FAM135A: variants seen among roughly 807,000 people sequenced by gnomAD.
FAM135A encodes protein FAM135A.
A neutral mutation model predicts 146.8 loss-of-function variants in FAM135A; 79 were observed. The ratio of observed to expected loss-of-function variants is 0.54; its 90% confidence interval spans 0.45 to 0.65. The LOEUF (loss-of-function observed/expected upper bound fraction) is 0.65. Among genes scored for constraint, FAM135A ranks in the 30% least tolerant of loss-of-function variants. The pLI is 0.00. For missense variants in FAM135A, 1,623 were observed against 1,758.2 expected (o/e 0.92, Z 1.38); for synonymous variants, 562 against 603.6 (o/e 0.93, Z 1.01).
chr6:70,532,682 C>G (rs769171216), intron 16 of FAM135A, among the ~76,000 whole-genome samples: 1 of 152,166 alleles, frequency 6.6e-6, no homozygotes, highest in Non-Finnish European at 1.5e-5. Flanking sequence ...CCTATAATCC[C>G]AGCACTTTGG....
At chr6:70,557,037 T>C in intron 21 of FAM135A, 174 bp downstream of exon 21, 1 of 603,694 alleles carries the variant, frequency 1.7e-6, no homozygotes, top group Admixed American at 2.9e-5. Context: ...CCACGTGAAC[T>C]GCCTTTACCA....
chr6:70,464,952 G>A (rs541504554), intron 5 of FAM135A, among the ~76,000 whole-genome samples: 16 of 148,822 alleles, frequency 1.1e-4, no homozygotes, highest in African/African-American at 3.5e-4. Flanking sequence ...CCAAAGTGCT[G>A]GGATTATAGG....
chr6:70,497,680 T>C (rs1219028125), intron 11 of FAM135A, among the ~76,000 whole-genome samples: 2 of 152,238 alleles, frequency 1.3e-5, no homozygotes, highest in Non-Finnish European at 2.9e-5. Context: ...CATCAATACC[T>C]ACTTTATTGA....
chr6:70,493,337 A>G (rs1332195985), intron 11 of FAM135A, among the ~76,000 whole-genome samples: 1 of 152,124 alleles, frequency 6.6e-6, no homozygotes, highest in Non-Finnish European at 1.5e-5. Flanking sequence ...AGTAATACAG[A>G]AAAAAAGTGG....
At chr6:70,413,872 G>C in intron 1 of FAM135A, 170 bp downstream of exon 1, 1 of 985,408 alleles carries the variant, frequency 1.0e-6, no homozygotes, top group South Asian at 4.7e-5. Flanking sequence ...CCCCGGCCCC[G>C]TTGAAGGTCG....
At chr6:70,437,484 G>C (rs1773442307) in intron 4 of FAM135A, among the ~76,000 whole-genome samples, 1 of 151,814 alleles carries the variant, frequency 6.6e-6, no homozygotes, top group African/African-American at 2.4e-5. Flanking sequence ...AGAAATAAGA[G>C]TTTGGTCTCA....
At chr6:70,492,581 T>G (rs1002927783) in intron 11 of FAM135A, among the ~76,000 whole-genome samples, 1 of 151,600 alleles carries the variant, frequency 6.6e-6, no homozygotes, top group Non-Finnish European at 1.5e-5. Context: ...ATTTGCAATA[T>G]TTAAAACAGG....
chr6:70,552,227 G>A (rs1335062832), intron 20 of FAM135A, among the ~76,000 whole-genome samples: 1 of 152,090 alleles, frequency 6.6e-6, no homozygotes, highest in East Asian at 1.9e-4. Flanking sequence ...AGACATCAGT[G>A]ACATTAATTT....
At chr6:70,448,231 G>A (rs573753006) in intron 4 of FAM135A, among the ~76,000 whole-genome samples, 68 of 152,276 alleles carry the variant, frequency 4.5e-4, no homozygotes, top group African/African-American at 1.6e-3. Context: ...ACATAATAAT[G>A]AGGGGATGCA....
At chr6:70,448,536 G>A (rs770350794) in intron 4 of FAM135A, among the ~76,000 whole-genome samples, 1 of 152,082 alleles carries the variant, frequency 6.6e-6, no homozygotes. Flanking sequence ...TCGAGCCCCC[G>A]TGATGGACGC....
At position 70,538,413 on chromosome 6, in the gene FAM135A, A is replaced by C. The variant is rs1449836308; in HGVS notation, c.4228+12A>C. 1.4e-6 allele frequency: 2 copies of C among 1,402,246 alleles called. No homozygotes were observed. The highest frequency in any genetic ancestry group is 2.5e-5 in the East Asian group (1 of 39,844). 86.9% of individuals were successfully genotyped at this position (1,402,246 alleles called of 1,614,324 possible). ...TAGTAACAAAGCAGGTAAGTATATAATAACAGTTTGGAAAATATACATGTG... is the reference window on the plus strand; with the variant it reads ...TAGTAACAAAGCAGGTAAGTATATACTAACAGTTTGGAAAATATACATGTG... On this transcript the variant is annotated intron_variant, in intron 20 of 21. Transcript: ENST00000418814.
intron 12 of FAM135A, chr6:70,503,219 AG>A (rs1223948779): frequency 6.5e-6 from 1 of 154,314 alleles, no homozygotes; most frequent in African/African-American, 2.4e-5. Context: ...AGCAGGATGG[AG>A]GGGGCAGTCC....
chr6:70,493,894 A>T (rs1452448317), intron 11 of FAM135A, among the ~76,000 whole-genome samples: 1 of 151,968 alleles, frequency 6.6e-6, no homozygotes, highest in African/African-American at 2.4e-5. Context: ...CTCTACTAAA[A>T]ATACAAAAAT....
intron 5 of FAM135A, among the ~76,000 whole-genome samples, chr6:70,456,879 G>T (rs971509399): frequency 1.4e-4 from 22 of 152,172 alleles, no homozygotes; most frequent in African/African-American, 5.1e-4. Flanking sequence ...GAGTGACTGT[G>T]CTTGCTGCTA....
At chr6:70,537,954 T>C (rs1252559213) in intron 19 of FAM135A, among the ~76,000 whole-genome samples, 1 of 147,482 alleles carries the variant, frequency 6.8e-6, no homozygotes, top group Non-Finnish European at 1.5e-5. Flanking sequence ...TTTGAAGTTT[T>C]TCTTCATCTT....
intron 19 of FAM135A, among the ~76,000 whole-genome samples, chr6:70,537,458 C>T (rs1472124552): frequency 6.6e-6 from 1 of 152,084 alleles, no homozygotes; most frequent in Admixed American, 6.6e-5. Flanking sequence ...AAAATACAGC[C>T]AGTTCTAGAC....
At chr6:70,418,515 A>G (rs1007663854) in intron 2 of FAM135A, 16 of 152,202 alleles carry the variant, frequency 1.1e-4, no homozygotes, top group African/African-American at 3.9e-4. Context: ...CTTTTAGTAG[A>G]GACAGGGTTT....
intron 4 of FAM135A, among the ~76,000 whole-genome samples, chr6:70,449,585 C>T (rs1215466861): frequency 6.6e-6 from 1 of 152,018 alleles, no homozygotes; most frequent in African/African-American, 2.4e-5. Context: ...ACAGAATTTT[C>T]TTATTTTTTA....
At chr6:70,415,100 G>C (rs1419995691) in intron 1 of FAM135A, among the ~76,000 whole-genome samples, 191 bp from the exon 2 acceptor site, 1 of 152,148 alleles carries the variant, frequency 6.6e-6, no homozygotes, top group Admixed American at 6.5e-5. Flanking sequence ...GGAGACATAC[G>C]TGAGAAGTAT....
Sources: allele counts gnomAD v4.1 joint callset (sites outside exome capture counted in the v4.1 genomes callset), GRCh38; gene constraint gnomAD v4.1.1; transcripts MANE v1.5; gene names NCBI Gene and HGNC (gene_info 2026-07-23, HGNC 2026-07-21).